Variants in CARMIL1 observed in about 807,000 individuals in gnomAD.
CARMIL1 encodes the protein F-actin-uncapping protein LRRC16A.
A neutral mutation model predicts 177.1 loss-of-function variants in CARMIL1; 90 were observed. The ratio of observed to expected loss-of-function variants is 0.51; its 90% CI spans 0.43 to 0.61. The LOEUF (loss-of-function observed/expected upper bound fraction) is 0.61, where lower values mean the gene tolerates loss of function less well. Ranked by LOEUF, CARMIL1 falls within the 20% of genes least tolerant of loss-of-function variation. The pLI, the probability that CARMIL1 is intolerant of heterozygous loss-of-function variation, is 0.00. For synonymous variants in CARMIL1, 577 were observed against 606.2 expected (o/e 0.95, Z 0.71); for missense variants, 1,380 against 1,667.0 (o/e 0.83, Z 3.00).
intron 26 of CARMIL1, among the ~76,000 whole-genome samples, chr6:25,548,218 A>G (rs1042612031): frequency 6.6e-6 from 1 of 152,202 alleles, no homozygotes; most frequent in Admixed American, 6.5e-5. Flanking sequence ...CTTTTGAGGA[A>G]ATATCTAGGA....
In CARMIL1 at chr6:25,528,028, T is replaced by G. The variant is rs1306839836; in HGVS notation, c.1969-767T>G. On this transcript the variant is annotated intron_variant, in intron 23 of 36. Coordinates refer to ENST00000329474, the MANE Select transcript of CARMIL1 (RefSeq NM_017640.6). Reference sequence around the variant, plus strand: ...TCCTTTAATAACATCTTTATAGGTATCCATCATTCTTAATAGTTAACCTTG... The same window carrying G: ...TCCTTTAATAACATCTTTATAGGTAGCCATCATTCTTAATAGTTAACCTTG... 2.0e-5 allele frequency among the ~76,000 whole-genome samples: 3 copies of G among 152,220 alleles called. No homozygotes were observed. The South Asian group carries it at 6.2e-4, about 31-fold the overall frequency.
intron 2 of CARMIL1, among the ~76,000 whole-genome samples, chr6:25,402,842 C>G (rs1238991790): frequency 6.6e-6 from 1 of 151,928 alleles, no homozygotes; most frequent in Non-Finnish European, 1.5e-5. Flanking sequence ...TCTCCCTTTT[C>G]CCAAAATTGT....
intron 2 of CARMIL1, among the ~76,000 whole-genome samples, chr6:25,405,494 C>A (rs1794280264): frequency 1.3e-5 from 2 of 152,176 alleles, no homozygotes; most frequent in South Asian, 4.1e-4. Context: ...ACCTGAAATC[C>A]TTTATTAAAG....
rs189278919 is a variant in CARMIL1 at position 25,388,513 on chromosome 6, G to A, written c.139-31601G>A. Among the ~76,000 whole-genome samples the A allele has an allele frequency of 3.6e-3, 545 of 152,146 alleles. 4 individuals are homozygous for A. Among genetic ancestry groups the A allele is most frequent in the African/African-American group, 0.012 (516 of 41,532 alleles). ...TGAGTAGCTGGGATTACAGGCAGGC[G>A]CCACCATGCCTGGCTAATTTTTCTG... is the stretch of plus-strand genomic sequence containing the variant. On this transcript the variant is annotated intron_variant, in intron 2 of 36. Coordinates refer to ENST00000329474, the MANE Select transcript of CARMIL1 (RefSeq NM_017640.6).
intron 23 of CARMIL1, among the ~76,000 whole-genome samples, chr6:25,524,423 C>T (rs1223782621): frequency 6.6e-6 from 1 of 152,064 alleles, no homozygotes; most frequent in Non-Finnish European, 1.5e-5. Flanking sequence ...GATACAAAAG[C>T]AAGGACACTA....
chr6:25,603,759 A>G (rs1160171513), intron 33 of CARMIL1, among the ~76,000 whole-genome samples: 1 of 152,172 alleles, frequency 6.6e-6, no homozygotes, highest in African/African-American at 2.4e-5. Flanking sequence ...GATGTTATGA[A>G]GTAAACACCA....
intron 29 of CARMIL1, among the ~76,000 whole-genome samples, chr6:25,565,833 C>G (rs1811511978): frequency 6.6e-6 from 1 of 152,110 alleles, no homozygotes; most frequent in Non-Finnish European, 1.5e-5. Flanking sequence ...GAGTGAGACT[C>G]CGTCTCAAAA....
chr6:25,296,468 C>T, intron 2 of CARMIL1, among the ~76,000 whole-genome samples: 1 of 152,306 alleles, frequency 6.6e-6, no homozygotes, highest in East Asian at 1.9e-4. Context: ...TCAGGGACCT[C>T]CTTATTTGCT....
At chr6:25,437,239 T>G (rs1797313818) in intron 5 of CARMIL1, among the ~76,000 whole-genome samples, 1 of 152,238 alleles carries the variant, frequency 6.6e-6, no homozygotes, top group Admixed American at 6.5e-5. Flanking sequence ...AAGCACCGCC[T>G]TACTTGGCAA....
At chr6:25,472,759 G>A (rs2150944427) in intron 11 of CARMIL1, 2 of 488,926 alleles carry the variant, frequency 4.1e-6, no homozygotes, top group Non-Finnish European at 7.3e-6. Flanking sequence ...TTTTTAATAT[G>A]TTTTATTAGT....
chr6:25,306,918 G>A (rs922872895), intron 2 of CARMIL1, among the ~76,000 whole-genome samples: 10 of 132,584 alleles, frequency 7.5e-5, no homozygotes, highest in Non-Finnish European at 1.1e-4. Context: ...CATTCTTGTC[G>A]CCTGGGCTGG....
At chr6:25,458,000 A>G (rs1799690109) in intron 8 of CARMIL1, among the ~76,000 whole-genome samples, 1 of 152,180 alleles carries the variant, frequency 6.6e-6, no homozygotes, top group Admixed American at 6.5e-5. Flanking sequence ...TTAAAATTTC[A>G]GAGAGATGGC....
At chr6:25,347,656 T>C (rs1036591065) in intron 2 of CARMIL1, among the ~76,000 whole-genome samples, 15 of 152,362 alleles carry the variant, frequency 9.8e-5, no homozygotes, top group Non-Finnish European at 2.2e-4. Context: ...AAAGGTAGTT[T>C]AGAAAGTTCC....
At chr6:25,450,206 T>A in intron 6 of CARMIL1, 133 bp from the exon 7 acceptor site, 1 of 740,842 alleles carries the variant, frequency 1.3e-6, no homozygotes, top group Non-Finnish European at 2.3e-6. Context: ...GGGAGGAGAA[T>A]CTTTGCTGTT....
rs1456773914 is a variant in CARMIL1 at position 25,495,170 on chromosome 6, T to G, written c.1280T>G (p.Met427Arg). 6.2e-7 allele frequency: 1 copy of G among 1,613,568 alleles called. No homozygotes were observed. Among genetic ancestry groups the G allele is most frequent in the Non-Finnish European group, 8.5e-7 (1 of 1,179,670 alleles). ...TTTTTTAGTAGTTCTCTGGCTTTGA[T>G]GCACATCAACCTTTCAGGCACAAAA... ...KQFFSSSLAL[M>R]HINLSGTKLS... Residue 427 changes from methionine (M) to arginine (R), a missense_variant, in exon 16 of 37, where the codon ATG becomes AGG. Transcript: ENST00000329474.
In CARMIL1 at chr6:25,509,708, A is replaced by G. The variant is rs1203457952; in HGVS notation, c.1448A>G (p.Asn483Ser). 1.2e-6 allele frequency: 2 copies of G among 1,601,772 alleles called. No homozygotes were observed. Among genetic ancestry groups the G allele is most frequent in the Non-Finnish European group, 1.7e-6 (2 of 1,173,472 alleles). ...VLEGCIAEIHNITSLDISDNG... is the reference protein window; with the variant it reads ...VLEGCIAEIHSITSLDISDNG... ...GAAGGTTGCATTGCTGAAATACACAACATCACCAGCTTAGACATCTCTGAC... is the reference window on the plus strand; with the variant it reads ...GAAGGTTGCATTGCTGAAATACACAGCATCACCAGCTTAGACATCTCTGAC... The change falls in exon 18 of 37, where the codon AAC becomes AGC. Residue 483 changes from asparagine to serine, a missense_variant. Transcript: ENST00000329474. This position sits in a 1 kb window ranked among gnomAD's most constrained non-coding sequence, Gnocchi z 4.1.
chr6:25,333,091 C>A (rs890264302), intron 2 of CARMIL1, among the ~76,000 whole-genome samples: 1 of 152,158 alleles, frequency 6.6e-6, no homozygotes, highest in Non-Finnish European at 1.5e-5. Flanking sequence ...AGATTGATGA[C>A]CTTGCCCAGA....
At chr6:25,301,720 A>G (rs951069061) in intron 2 of CARMIL1, among the ~76,000 whole-genome samples, 1 of 152,180 alleles carries the variant, frequency 6.6e-6, no homozygotes, top group Non-Finnish European at 1.5e-5. Context: ...CTCTTTATTT[A>G]AAAACTTTCT....
chr6:25,468,220 G>A (rs113553111), intron 9 of CARMIL1, among the ~76,000 whole-genome samples: 2,478 of 151,466 alleles, frequency 0.016, 42 homozygotes, highest in African/African-American at 0.045. Flanking sequence ...AAATGGTACC[G>A]AATATGCAAT....
Sources: gnomAD v4.1 joint callset for allele counts (sites outside exome capture counted in the v4.1 genomes callset) on GRCh38, gnomAD v4.1.1 for gene constraint, Gnocchi (gnomAD v3.1) non-coding constraint, MANE v1.5 for transcripts, NCBI Gene and HGNC (gene_info 2026-07-23, HGNC 2026-07-21) for gene names.